SPIRE1: variants seen among roughly 807,000 people sequenced by gnomAD.
The protein encoded by SPIRE1 is spire type actin nucleation factor 1.
A neutral mutation model predicts 94.1 loss-of-function variants in SPIRE1; 40 were observed. That is an observed-to-expected ratio of 0.43 (90% confidence interval 0.33 to 0.55). The LOEUF (loss-of-function observed/expected upper bound fraction) is 0.55, where lower values mean the gene tolerates loss of function less well. Among genes scored for constraint, SPIRE1 ranks in the 20% least tolerant of loss-of-function variants. The pLI is 0.06. For synonymous variants in SPIRE1, 376 were observed against 371.7 expected, an observed-to-expected ratio of 1.01 and a Z score of -0.13; for missense variants, 838 against 975.2, an observed-to-expected ratio of 0.86 and a Z score of 1.87.
At chr18:12,562,556 T>C (rs2035716607) in intron 2 of SPIRE1, among the ~76,000 whole-genome samples, 1 of 152,170 alleles carries the variant, frequency 6.6e-6, no homozygotes, top group East Asian at 1.9e-4. Context: ...GTTTGTTACA[T>C]AAACATGTAC....
Position 12,559,105 on chromosome 18 carries a change from G to T in SPIRE1, c.373-12201C>A, listed in dbSNP as rs970683843. 1.2e-4 allele frequency among the ~76,000 whole-genome samples: 18 copies of T among 148,040 alleles called. No homozygotes were observed. Among genetic ancestry groups the T allele is most frequent in the African/African-American group, 4.2e-4 (17 of 40,794 alleles). ...TGCACTCCTCAGCCCTTGGGCGGTA[G>T]ATGGGACCAGGCACCTTGGAGCAGG... On this transcript the variant is annotated intron_variant, in intron 2 of 16. Coordinates refer to ENST00000409402, the MANE Select transcript of SPIRE1 (RefSeq NM_001128626.2). This position sits in a 1 kb window ranked among gnomAD's most constrained non-coding sequence, Gnocchi z 4.7.
At chr18:12,603,579 T>TA (rs1421600086) in intron 2 of SPIRE1, among the ~76,000 whole-genome samples, 1 of 151,060 alleles carries the variant, frequency 6.6e-6, no homozygotes, top group Non-Finnish European at 1.5e-5. Flanking sequence ...AGCCAATTTT[T>TA]TTTTTTTTTT....
At chr18:12,535,377 T>C (rs917484791) in intron 4 of SPIRE1, 99 bp downstream of exon 4, 35 of 1,283,606 alleles carry the variant, frequency 2.7e-5, no homozygotes, top group African/African-American at 2.2e-4. Flanking sequence ...TTTAAAACAA[T>C]ACAGCGGACA....
At chr18:12,648,846 C>T (rs562060821) in intron 1 of SPIRE1, among the ~76,000 whole-genome samples, 312 of 138,822 alleles carry the variant, frequency 2.2e-3, no homozygotes, top group African/African-American at 7.9e-3. Context: ...GCCAAGATCG[C>T]GCCATTGCAC....
chr18:12,620,386 A>G (rs1401059258), intron 2 of SPIRE1, among the ~76,000 whole-genome samples: 1 of 152,214 alleles, frequency 6.6e-6, no homozygotes, highest in Non-Finnish European at 1.5e-5. Flanking sequence ...TTGAAAAAGA[A>G]CAACAAAGTT....
chr18:12,611,155 T>TC (rs1452387504), intron 2 of SPIRE1, among the ~76,000 whole-genome samples: 1 of 152,082 alleles, frequency 6.6e-6, no homozygotes, highest in East Asian at 1.9e-4. Context: ...CTTGCTAGGG[T>TC]CCCACTTTCC....
chr18:12,562,228 T>C (rs1457279454), intron 2 of SPIRE1, among the ~76,000 whole-genome samples: 2 of 152,222 alleles, frequency 1.3e-5, no homozygotes, highest in East Asian at 1.9e-4. Flanking sequence ...GTTTATGCTA[T>C]GGACCTCTTT....
upstream of SPIRE1, among the ~76,000 whole-genome samples, chr18:12,661,095 G>A (rs952619779): frequency 6.6e-6 from 1 of 152,090 alleles, no homozygotes; most frequent in African/African-American, 2.4e-5. Flanking sequence ...ATCACCTGAG[G>A]TCAGGAGTTC....
intron 2 of SPIRE1, among the ~76,000 whole-genome samples, chr18:12,553,100 G>A (rs2035401731): frequency 6.6e-6 from 1 of 152,232 alleles, no homozygotes; most frequent in South Asian, 2.1e-4. Flanking sequence ...TGGACCTTGG[G>A]TTAGACTACA....
At chr18:12,612,463 G>A (rs936038649) in intron 2 of SPIRE1, among the ~76,000 whole-genome samples, 1 of 152,000 alleles carries the variant, frequency 6.6e-6, no homozygotes, top group African/African-American at 2.4e-5. Context: ...TCATTCCCTT[G>A]GTGATTTCAA....
At position 12,576,319 on chromosome 18, in the gene SPIRE1, C is replaced by T. The variant is rs547256092; in HGVS notation, c.373-29415G>A. Among the ~76,000 whole-genome samples, 308 of 152,058 alleles carry T rather than the reference C, an allele frequency of 2.0e-3. 2 individuals are homozygous for T. Among genetic ancestry groups the T allele is most frequent in the African/African-American group, 7.0e-3 (292 of 41,478 alleles). ...ACCTAATTTTAAGACTTATAATCAC[C>T]GGGCATGGTGGCTCACCTCTGTAAT... On this transcript the variant is annotated intron_variant, in intron 2 of 16. Coordinates refer to ENST00000409402, the MANE Select transcript of SPIRE1 (RefSeq NM_001128626.2).
intron 6 of SPIRE1, among the ~76,000 whole-genome samples, chr18:12,504,422 A>T (rs200554798): frequency 6.6e-6 from 1 of 151,944 alleles, no homozygotes; most frequent in African/African-American, 2.4e-5. Flanking sequence ...CACGAGAATC[A>T]CTTGAACCTG....
chr18:12,499,630 T>A (rs1305241171), intron 6 of SPIRE1, among the ~76,000 whole-genome samples: 1 of 152,148 alleles, frequency 6.6e-6, no homozygotes, highest in African/African-American at 2.4e-5. Context: ...CTAAAACTAT[T>A]TATAAGTGTC....
At position 12,648,597 on chromosome 18, in the gene SPIRE1, A is replaced by T. The variant is rs372485816; in HGVS notation, c.337+8933T>A. On this transcript the variant is annotated intron_variant, in intron 1 of 16. Transcript: ENST00000409402. ...TCGAATGGGATTTCTGCAATAGAAA[A>T]AGGACACTAAGGCCAAGCACAGTGG... 3.3e-5 allele frequency among the ~76,000 whole-genome samples: 5 copies of T among 152,142 alleles called. 1 individual carries two copies. In the South Asian group the frequency reaches 8.3e-4, roughly 25 times the overall value.
intron 10 of SPIRE1, among the ~76,000 whole-genome samples, chr18:12,476,608 C>T (rs866343836): frequency 6.4e-5 from 8 of 124,806 alleles, no homozygotes; most frequent in Non-Finnish European, 1.0e-4. Context: ...CACACACACA[C>T]ATATATACAC....
At chr18:12,594,965 T>G (rs2036630226) in intron 2 of SPIRE1, among the ~76,000 whole-genome samples, 1 of 152,186 alleles carries the variant, frequency 6.6e-6, no homozygotes, top group Non-Finnish European at 1.5e-5. Context: ...TAATAACATT[T>G]TCTTTACTCT....
intron 10 of SPIRE1, among the ~76,000 whole-genome samples, chr18:12,472,853 C>T (rs1290070543): frequency 2.0e-5 from 3 of 152,128 alleles, no homozygotes; most frequent in South Asian, 2.1e-4. Context: ...AGTGCAGTGG[C>T]GTGATCTTGG....
At chr18:12,658,663 G>C (rs1598597196), upstream of SPIRE1, 1 of 458,738 alleles carries the variant, frequency 2.2e-6, no homozygotes, top group South Asian at 1.6e-5. Context: ...CCTCCCCGCC[G>C]GGCCCTGGGC....
intron 2 of SPIRE1, among the ~76,000 whole-genome samples, chr18:12,622,669 G>A (rs370080949): frequency 2.2e-4 from 33 of 152,108 alleles, no homozygotes; most frequent in East Asian, 1.2e-3. Context: ...TGATCCGCCC[G>A]CCTCAGCCTC....
Sources: gnomAD v4.1 joint callset for allele counts (sites outside exome capture counted in the v4.1 genomes callset) on GRCh38, gnomAD v4.1.1 for gene constraint, Gnocchi (gnomAD v3.1) non-coding constraint, MANE v1.5 for transcripts, NCBI Gene and HGNC (gene_info 2026-07-23, HGNC 2026-07-21) for gene names.